LMBRD2: variants seen among roughly 807,000 people sequenced by gnomAD.
LMBRD2 encodes LMBR1 domain containing 2.
In LMBRD2, 55 loss-of-function variants were observed where a neutral mutation model predicts 94.4. The ratio of observed to expected loss-of-function variants is 0.58; its 90% CI spans 0.47 to 0.73. LMBRD2 has a LOEUF of 0.73. Among genes scored for constraint, LMBRD2 ranks in the 30% least tolerant of loss-of-function variants. The pLI, the probability that LMBRD2 is intolerant of heterozygous loss-of-function variation, is 0.00. For synonymous variants in LMBRD2, 246 were observed against 272.4 expected (o/e 0.90, Z 0.95); for missense variants, 640 against 831.9 (o/e 0.77, Z 2.84).
chr5:36,133,867 C>G, intron 6 of LMBRD2, among the ~76,000 whole-genome samples: 1 of 152,038 alleles, frequency 6.6e-6, no homozygotes, highest in East Asian at 1.9e-4. Context: ...GCAAAGCTTC[C>G]TCTAGGGAAA....
At position 36,117,602 on chromosome 5, in the gene LMBRD2, C is replaced by G. The variant is rs778413824; in HGVS notation, c.1302+133G>C. On this transcript the variant is annotated intron_variant, in intron 10 of 17. Transcript: ENST00000296603. Reference sequence around the variant, plus strand: ...GTGGGTAAAATAATGAAGCACATTTCTGGAAGTTTGAATAACAACACTGCA... The same window carrying G: ...GTGGGTAAAATAATGAAGCACATTTGTGGAAGTTTGAATAACAACACTGCA... 1.7e-3 allele frequency: 944 copies of G among 542,334 alleles called. 5 individuals carry two copies. The highest frequency in any genetic ancestry group is 2.1e-3 in the Non-Finnish European group (681 of 322,932). The allele number at this position is 542,334 out of a possible 1,614,324, so 33.6% of individuals were successfully genotyped here.
Position 36,099,390 on chromosome 5 carries a change from GA to G in LMBRD2, c.*4655del, listed in dbSNP as rs1743302633. On this transcript the variant is annotated 3_prime_UTR_variant, in exon 18 of 18. Coordinates refer to ENST00000296603, the MANE Select transcript of LMBRD2 (RefSeq NM_001007527.2). Reference sequence around the variant, plus strand: ...ACATATTTTCTACCTTCTAAAATAAGAAAAATCCTTCGAGTTGTTTTCAAAA... The same window carrying G: ...ACATATTTTCTACCTTCTAAAATAAGAAAATCCTTCGAGTTGTTTTCAAAA... 1 of 152,092 alleles carries G rather than the reference GA, an allele frequency of 6.6e-6. No homozygotes were observed. The highest frequency in any genetic ancestry group is 2.1e-4 in the South Asian group (1 of 4,818). The allele number at this position is 152,092 out of a possible 1,614,324, so 9.4% of individuals were successfully genotyped here. A position where few individuals can be genotyped will look rare whatever the true frequency, so the allele number is the denominator to read the frequency against.
At position 36,136,320 on chromosome 5, in the gene LMBRD2, C is replaced by T; in HGVS notation, c.736G>A (p.Asp246Asn). The T allele has an allele frequency of 6.2e-7, 1 of 1,614,058 alleles. No homozygotes were observed. Among genetic ancestry groups the T allele is most frequent in the East Asian group, 2.2e-5 (1 of 44,870 alleles). ...EKADAEENLE[D>N]AMEEVRKVNE... ...TCAAACTTGCTTACCTCCATGGCAT[C>T]TTCCAAATTCTCTTCTGCATCTGCT... is the stretch of plus-strand genomic sequence containing the variant. The change falls in exon 6 of 18, where the codon GAT (aspartate) becomes AAT (asparagine). Residue 246 changes from aspartate to asparagine, a missense_variant. Physicochemically the swap from Asp to Asn is conservative, Grantham distance 23. Around this residue, in one of 2 missense-constraint regions of LMBRD2, gnomAD observed 457 missense variants for 642.8 expected, o/e 0.71. Coordinates refer to ENST00000296603, the MANE Select transcript of LMBRD2 (RefSeq NM_001007527.2).
At chr5:36,119,255 C>G (rs1368725202) in intron 9 of LMBRD2, among the ~76,000 whole-genome samples, 1 of 152,096 alleles carries the variant, frequency 6.6e-6, no homozygotes, top group African/African-American at 2.4e-5. Context: ...TTACTTGTTG[C>G]TATAGTGATG....
chr5:36,142,051 A>AT (rs1275257768), intron 3 of LMBRD2, among the ~76,000 whole-genome samples: 1 of 152,158 alleles, frequency 6.6e-6, no homozygotes, highest in African/African-American at 2.4e-5. Context: ...AACTTTATTA[A>AT]TTTTTTATGT....
At chr5:36,117,594 G>T in intron 10 of LMBRD2, 141 bp downstream of exon 10, 1 of 523,224 alleles carries the variant, frequency 1.9e-6, no homozygotes, top group Non-Finnish European at 3.3e-6. Context: ...AAATAATGAA[G>T]CACATTTCTG....
intron 3 of LMBRD2, 49 bp downstream of exon 3, chr5:36,142,452 AC>A: frequency 9.3e-7 from 1 of 1,070,864 alleles, no homozygotes; most frequent in East Asian, 2.4e-5. Context: ...CAATTTTTAA[AC>A]AATGTGTCCC....
chr5:36,106,218 C>A (rs1581039386), intron 16 of LMBRD2, among the ~76,000 whole-genome samples: 1 of 152,222 alleles, frequency 6.6e-6, no homozygotes, highest in Admixed American at 6.5e-5. Context: ...TTTACAGAAT[C>A]CTATTTCCTA....
chr5:36,107,390 A>G (rs1268608201), intron 16 of LMBRD2, among the ~76,000 whole-genome samples: 1 of 152,200 alleles, frequency 6.6e-6, no homozygotes, highest in Non-Finnish European at 1.5e-5. Flanking sequence ...GGCTCATATT[A>G]TCTTACTTTC....
intron 1 of LMBRD2, among the ~76,000 whole-genome samples, chr5:36,150,390 A>G (rs1022774369): frequency 2.6e-5 from 4 of 152,220 alleles, no homozygotes; most frequent in African/African-American, 9.6e-5. Flanking sequence ...CAATTATTTT[A>G]CATCTCAAAA....
chr5:36,103,870 C>A lies in LMBRD2; in HGVS notation c.*176G>T, dbSNP rs1438179118. On this transcript the variant is annotated 3_prime_UTR_variant, in exon 18 of 18. Coordinates refer to ENST00000296603, the MANE Select transcript of LMBRD2 (RefSeq NM_001007527.2). ...ATAAATCTTGTTGAAAAAGGTGATA[C>A]TCTATTCAATGCACATTAAACTATT... 2.0e-6 allele frequency: 1 copy of A among 490,486 alleles called. No individual in the cohort carries two copies. Among genetic ancestry groups the A allele is most frequent in the African/African-American group, 2.0e-5 (1 of 51,070 alleles). 30.4% of individuals were successfully genotyped at this position (490,486 alleles called of 1,614,324 possible).
intron 9 of LMBRD2, among the ~76,000 whole-genome samples, chr5:36,121,461 A>G (rs1743886067): frequency 6.6e-6 from 1 of 152,216 alleles, no homozygotes; most frequent in African/African-American, 2.4e-5. Flanking sequence ...TACTTGCTTT[A>G]AGTTTCTTCA....
At chr5:36,146,116 C>A (rs1467987096) in intron 1 of LMBRD2, among the ~76,000 whole-genome samples, 2 of 152,178 alleles carry the variant, frequency 1.3e-5, no homozygotes, top group Non-Finnish European at 2.9e-5. Context: ...AATTATGGAT[C>A]CTTTATTCTA....
chr5:36,122,652 A>G (rs1467772969), intron 8 of LMBRD2, among the ~76,000 whole-genome samples, 189 bp from the exon 9 acceptor site: 2 of 152,218 alleles, frequency 1.3e-5, no homozygotes, highest in Non-Finnish European at 2.9e-5. Context: ...ATGCTCAGTG[A>G]AGAATTCTCC....
At position 36,105,132 on chromosome 5, in the gene LMBRD2, C is replaced by T. The variant is rs1743434119; in HGVS notation, c.1963G>A (p.Ala655Thr). Residue 655 changes from alanine to threonine, a missense_variant, in exon 17 of 18, where the codon GCA becomes ACA. Physicochemically the swap from Ala to Thr is moderately conservative, Grantham distance 58. This residue lies in a region of LMBRD2 where 183 missense variants were observed against 189.1 expected (regional missense o/e 0.97). Coordinates refer to ENST00000296603, the MANE Select transcript of LMBRD2 (RefSeq NM_001007527.2). ...ERDRIELLQD[A>T]EPLDFNAETF... ...TCTGCATTAAAATCCAAAGGTTCTG[C>T]ATCTTGGAGAAGTTCTATCCGGTCC... is the stretch of plus-strand genomic sequence containing the variant. The T allele has an allele frequency of 1.2e-6, 2 of 1,612,580 alleles. No homozygotes were observed. The highest frequency in any genetic ancestry group is 2.2e-5 in the South Asian group (2 of 91,026).
intron 6 of LMBRD2, among the ~76,000 whole-genome samples, chr5:36,126,306 T>A (rs190394134): frequency 2.0e-5 from 3 of 152,324 alleles, no homozygotes; most frequent in African/African-American, 7.2e-5. Flanking sequence ...TTAAATTATT[T>A]AGCCATATTA....
chr5:36,128,030 C>T (rs1240595433), intron 6 of LMBRD2, among the ~76,000 whole-genome samples: 1 of 152,102 alleles, frequency 6.6e-6, no homozygotes, highest in African/African-American at 2.4e-5. Context: ...GACACCCCTC[C>T]CCCACCTCCA....
At chr5:36,112,524 T>C (rs1743636289) in intron 13 of LMBRD2, among the ~76,000 whole-genome samples, 2 of 152,186 alleles carry the variant, frequency 1.3e-5, no homozygotes. Flanking sequence ...CAGTAAGGCA[T>C]TGCTTCAGGT....
At chr5:36,119,139 C>T (rs774115707) in intron 9 of LMBRD2, among the ~76,000 whole-genome samples, 7 of 152,180 alleles carry the variant, frequency 4.6e-5, no homozygotes, top group Non-Finnish European at 7.3e-5. Context: ...TCTCATAATT[C>T]CTAGTGATTT....
Sources: allele counts gnomAD v4.1 joint callset (sites outside exome capture counted in the v4.1 genomes callset), GRCh38; gene constraint gnomAD v4.1.1; regional missense constraint gnomAD v4.1.1; transcripts MANE v1.5; gene names NCBI Gene and HGNC (gene_info 2026-07-23, HGNC 2026-07-21).